ANK2: variants seen among roughly 807,000 people sequenced by gnomAD.
The protein encoded by ANK2 is ankyrin 2.
Under a neutral mutation model 360.5 loss-of-function variants are expected in ANK2, and 83 were observed. The observed-to-expected ratio is 0.23, with a 90% CI of 0.19 to 0.28. The LOEUF (loss-of-function observed/expected upper bound fraction) is 0.28. Ranked by LOEUF, ANK2 falls within the 10% of genes least tolerant of loss-of-function variation. The pLI, the probability that ANK2 is intolerant of heterozygous loss-of-function variation, is 1.00. For missense variants in ANK2, 4,201 were observed against 4,795.7 expected, an observed-to-expected ratio of 0.88 and a Z score of 3.66; for synonymous variants, 1,740 against 1,759.5, an observed-to-expected ratio of 0.99 and a Z score of 0.28.
chr4:112,991,863 A>C, intron 2 of ANK2, among the ~76,000 whole-genome samples: 1 of 150,076 alleles, frequency 6.7e-6, no homozygotes, highest in East Asian at 2.0e-4. Context: ...TTTTTTTTCC[A>C]CTATATAAAA....
intron 2 of ANK2, chr4:113,034,176 A>C (rs1348552335): frequency 6.6e-6 from 1 of 151,968 alleles, no homozygotes; most frequent in African/African-American, 2.4e-5. Flanking sequence ...GGAACACCTT[A>C]AGGATGACGA....
At chr4:112,837,009 G>A (rs1020299039) in intron 1 of ANK2, among the ~76,000 whole-genome samples, 1 of 152,200 alleles carries the variant, frequency 6.6e-6, no homozygotes, top group African/African-American at 2.4e-5. Flanking sequence ...TAATCACCAA[G>A]AAAATAGGGA....
intron 18 of ANK2, among the ~76,000 whole-genome samples, chr4:113,285,346 G>A (rs970496857): frequency 2.6e-5 from 4 of 152,044 alleles, no homozygotes; most frequent in Non-Finnish European, 4.4e-5. Context: ...CTTCAGTTGA[G>A]GGCTCAGTCC....
At chr4:112,788,259 A>T in the ANK2 span, 1 of 1,587,584 alleles carries the variant, frequency 6.3e-7, no homozygotes. Context: ...TTGTCTTCCG[A>T]GTTCACCTGT....
At chr4:112,890,133 T>TC (rs1381614109) in intron 1 of ANK2, among the ~76,000 whole-genome samples, 1 of 152,224 alleles carries the variant, frequency 6.6e-6, no homozygotes, top group Admixed American at 6.5e-5. Flanking sequence ...CCCTCCATTC[T>TC]CTTTCACCTC....
intron 1 of ANK2, among the ~76,000 whole-genome samples, chr4:113,080,598 A>AAT (rs2082015569): frequency 6.6e-6 from 1 of 152,238 alleles, no homozygotes; most frequent in Non-Finnish European, 1.5e-5. Flanking sequence ...AATGGAATGG[A>AAT]ATATATACAT....
chr4:113,084,334 T>A (rs313969), intron 1 of ANK2, among the ~76,000 whole-genome samples: 89,063 of 152,166 alleles, frequency 0.59, 26,932 homozygotes, highest in African/African-American at 0.74. Context: ...TTTTTGGTGG[T>A]CAGCTAGCTT....
rs982933063 is a variant in ANK2, at chr4:112,831,087, C to T, written c.-40+12823C>T. Among the ~76,000 whole-genome samples, 4 of 152,348 alleles carry T rather than the reference C, an allele frequency of 2.6e-5. No homozygotes were observed. The East Asian group carries it at 7.7e-4, about 29-fold the overall frequency. ...CTGCAGCCCACCATGCCTGAGCCCC[C>T]ACCCCCTCCATGGGCTCCCGCGTGG... On this transcript the variant is annotated intron_variant, in intron 1 of 30. Transcript: ENST00000503271.
rs547588756 is a variant in ANK2, at chr4:113,232,718, A to T, written c.483+459A>T. 9.2e-5 allele frequency among the ~76,000 whole-genome samples: 14 copies of T among 152,128 alleles called. No individual in the cohort carries two copies. The East Asian group carries it at 2.7e-3, about 29-fold the overall frequency. On this transcript the variant is annotated intron_variant, in intron 5 of 45. Transcript: ENST00000357077. The stretch of plus-strand genomic sequence containing the variant: ...TAAAAAAAAACCCTGTACCTTATTG[A>T]AGCACAAATTATGACACATGGTTGT...
intron 1 of ANK2, among the ~76,000 whole-genome samples, chr4:113,064,383 C>T (rs916231314): frequency 2.0e-5 from 3 of 152,246 alleles, no homozygotes; most frequent in South Asian, 2.1e-4. Flanking sequence ...ATTTACCATA[C>T]GCAGGTGCCA....
intron 2 of ANK2, among the ~76,000 whole-genome samples, chr4:112,916,875 A>G (rs1482764204): frequency 6.6e-6 from 1 of 152,236 alleles, no homozygotes; most frequent in Non-Finnish European, 1.5e-5. Flanking sequence ...GTACTGTGAT[A>G]GATACTTCAG....
chr4:112,885,532 C>A (rs1047900078), intron 1 of ANK2, among the ~76,000 whole-genome samples: 2 of 149,256 alleles, frequency 1.3e-5, no homozygotes, highest in Non-Finnish European at 3.0e-5. Context: ...CATGGTGGCT[C>A]ACGCCTGTAA....
At chr4:113,345,730 G>T (rs1191493637) in intron 34 of ANK2, among the ~76,000 whole-genome samples, 170 bp from the exon 35 acceptor site, 1 of 152,116 alleles carries the variant, frequency 6.6e-6, no homozygotes, top group Non-Finnish European at 1.5e-5. Context: ...AAAGCTGAAT[G>T]ATTTTTAAAA....
At chr4:112,972,741 T>C (rs2039981088) in intron 2 of ANK2, among the ~76,000 whole-genome samples, 1 of 152,174 alleles carries the variant, frequency 6.6e-6, no homozygotes, top group South Asian at 2.1e-4. Flanking sequence ...GCAGCACAAT[T>C]TGCAACTGCA....
intron 20 of ANK2, among the ~76,000 whole-genome samples, chr4:113,290,009 C>T (rs1413263752): frequency 2.6e-5 from 4 of 152,108 alleles, no homozygotes; most frequent in Non-Finnish European, 5.9e-5. Flanking sequence ...CTTGAAAATG[C>T]TTATCATATT....
chr4:112,737,529 C>T, the ANK2 span, among the ~76,000 whole-genome samples: 1 of 152,220 alleles, frequency 6.6e-6, no homozygotes, highest in South Asian at 2.1e-4. Context: ...TTGTGCAGGA[C>T]TTGGCAGTTT....
chr4:113,236,615 C>T (rs1389647178), intron 5 of ANK2, among the ~76,000 whole-genome samples: 1 of 152,210 alleles, frequency 6.6e-6, no homozygotes, highest in East Asian at 1.9e-4. Flanking sequence ...GATTCCCAGT[C>T]AGACTTGGTC....
intron 1 of ANK2, among the ~76,000 whole-genome samples, chr4:112,843,982 A>G (rs1263401047): frequency 6.6e-6 from 1 of 152,206 alleles, no homozygotes; most frequent in Non-Finnish European, 1.5e-5. Context: ...ATTTAGAATA[A>G]TATTATATGC....
chr4:113,039,569 G>A (rs1286842804), intron 2 of ANK2, among the ~76,000 whole-genome samples: 3 of 151,690 alleles, frequency 2.0e-5, no homozygotes, highest in Non-Finnish European at 4.4e-5. Context: ...CTGAGCAATT[G>A]CTGGGCCTAT....
Sources: allele counts gnomAD v4.1 joint callset (sites outside exome capture counted in the v4.1 genomes callset), GRCh38; gene constraint gnomAD v4.1.1; transcripts MANE v1.5; gene names NCBI Gene and HGNC (gene_info 2026-07-23, HGNC 2026-07-21).